Variants in AKNAD1 observed in about 807,000 individuals in gnomAD.
AKNAD1 encodes AKNA domain containing 1.
Under a neutral mutation model 90.8 loss-of-function variants are expected in AKNAD1, and 67 were observed. That is an observed-to-expected ratio of 0.74 (90% CI 0.61 to 0.90). The LOEUF (loss-of-function observed/expected upper bound fraction) is 0.90. AKNAD1 is among the 40% of genes least tolerant of loss of function. The pLI, the probability that AKNAD1 is intolerant of heterozygous loss-of-function variation, is 0.00. For missense variants in AKNAD1, 957 were observed against 975.4 expected (o/e 0.98, Z 0.25); for synonymous variants, 327 against 341.4 (o/e 0.96, Z 0.46).
intron 6 of AKNAD1, among the ~76,000 whole-genome samples, chr1:108,842,311 T>G (rs1456818767): frequency 1.3e-5 from 2 of 152,190 alleles, no homozygotes; most frequent in Admixed American, 6.5e-5. Context: ...ATGCTATGAA[T>G]AGAAAGGGCT....
chr1:108,823,865 T>C (rs988470800), intron 11 of AKNAD1, among the ~76,000 whole-genome samples, 177 bp from the exon 12 acceptor site: 2 of 152,210 alleles, frequency 1.3e-5, no homozygotes, highest in African/African-American at 4.8e-5. Context: ...GGGATTCCCT[T>C]CTGACAACTG....
rs1200756923 is a variant in AKNAD1 at position 108,852,447 on chromosome 1, A to T, written c.218T>A (p.Leu73Gln). ...TCGNTAVTIP[L>Q]GKITENAANK... ...GGCAGCATTTTCAGTAATTTTACCC[A>T]GGGGTATGGTCACAGCTGTATTTCC... Residue 73 changes from leucine (L) to glutamine (Q), a missense_variant, in exon 2 of 16, where the codon CTG (leucine) becomes CAG (glutamine). Coordinates refer to ENST00000370001, the MANE Select transcript of AKNAD1 (RefSeq NM_152763.5). 1.1e-5 allele frequency: 18 copies of T among 1,613,600 alleles called. No individual in the cohort carries two copies. Among genetic ancestry groups the T allele is most frequent in the African/African-American group, 1.3e-5 (1 of 74,842 alleles).
chr1:108,853,715 C>T (rs1011394403), intron 1 of AKNAD1, among the ~76,000 whole-genome samples: 6 of 151,964 alleles, frequency 3.9e-5, no homozygotes, highest in African/African-American at 7.2e-5. Context: ...AAGCGGATCA[C>T]CTGAGGTCAG....
At chr1:108,832,918 A>T (rs949669589) in intron 9 of AKNAD1, among the ~76,000 whole-genome samples, 9 of 152,230 alleles carry the variant, frequency 5.9e-5, no homozygotes, top group African/African-American at 1.7e-4. Context: ...TAAAGGCCAG[A>T]TTATCAGAAT....
At chr1:108,847,839 T>C in intron 5 of AKNAD1, among the ~76,000 whole-genome samples, 1 of 152,210 alleles carries the variant, frequency 6.6e-6, no homozygotes, top group East Asian at 1.9e-4. Flanking sequence ...CAGCTGCATT[T>C]TAGCTGCCTG....
chr1:108,851,921 T>G lies in AKNAD1; in HGVS notation c.744A>C (p.Lys248Asn). The G allele has an allele frequency of 6.2e-7, 1 of 1,614,234 alleles. No homozygotes were observed. Among genetic ancestry groups the G allele is most frequent in the Non-Finnish European group, 8.5e-7 (1 of 1,180,036 alleles). ...GGTAATGAACTTGACCTTGGCCGTA[T>G]TTGAACGTGTTGCCTGAATTTGCTT... The part of the protein sequence containing the change: ...TEKANSGNTF[K>N]YGQGQVHYQL... Residue 248 changes from lysine to asparagine, a missense_variant, in exon 2 of 16, where the codon AAA (lysine) becomes AAC (asparagine). Lys to Asn is a moderately conservative substitution (Grantham distance 94). Transcript: ENST00000370001.
At chr1:108,839,822 A>T (rs1280559519) in intron 6 of AKNAD1, among the ~76,000 whole-genome samples, 2 of 152,258 alleles carry the variant, frequency 1.3e-5, no homozygotes, top group East Asian at 3.9e-4. Context: ...GGAGTTCGAG[A>T]CTAGCCTGGA....
rs541544566 is a variant in AKNAD1 at position 108,816,537 on chromosome 1, AGAGGGTGAGGTCAGCCGCCAGCTGG to A, written c.2380-260_2380-236del. Among the ~76,000 whole-genome samples the A allele has an allele frequency of 5.3e-5, 8 of 152,310 alleles. No homozygotes were observed. In the East Asian group the frequency reaches 1.5e-3, roughly 29 times the overall value. On this transcript the variant is annotated intron_variant, in intron 15 of 15. Coordinates refer to ENST00000370001, the MANE Select transcript of AKNAD1 (RefSeq NM_152763.5). ...AGCACGTGACTGATGAGCATGAATC[AGAGGGTGAGGTCAGCCGCCAGCTGG>A]GCTGTTTCCCTGCCGCAGAGAAAGA...
rs1664314187 is a variant in AKNAD1 at position 108,834,504 on chromosome 1, A to G, written c.1689T>C (p.Asp563=). 6.2e-7 allele frequency: 1 copy of G among 1,608,540 alleles called. No individual in the cohort carries two copies. The highest frequency in any genetic ancestry group is 8.5e-7 in the Non-Finnish European group (1 of 1,178,272). The part of the protein sequence containing the change: ...PQTYLNGHYG[D]AAAQNKPDQV... ...GGTCTGGCTTGTTCTGGGCAGCTGC[A>G]TCTCCATAATGACCGTTTAGGTAAC... The change falls in exon 9 of 16, where the codon GAT becomes GAC. Residue 563 remains aspartate (D), a synonymous_variant. Coordinates refer to ENST00000370001, the MANE Select transcript of AKNAD1 (RefSeq NM_152763.5).
rs370690196 is a variant in AKNAD1 at position 108,826,994 on chromosome 1, A to G, written c.1936+211T>C. Among the ~76,000 whole-genome samples, 51 of 151,546 alleles carry G rather than the reference A, an allele frequency of 3.4e-4. 1 individual carries two copies. In the East Asian group the frequency reaches 8.8e-3, roughly 26 times the overall value. ...TGAGCTCAAGTGATCCACCCGCCTC[A>G]GCCTCCCAAAGTGCTGGAATTACAG... On this transcript the variant is annotated intron_variant, in intron 11 of 15. Transcript: ENST00000370001.
intron 14 of AKNAD1, among the ~76,000 whole-genome samples, chr1:108,818,947 T>C (rs931121901): frequency 8.7e-6 from 1 of 114,810 alleles, no homozygotes. Flanking sequence ...CTGGGCGAAA[T>C]AGTGAAACTC....
At chr1:108,832,680 A>G (rs1027484247) in intron 9 of AKNAD1, among the ~76,000 whole-genome samples, 3 of 152,150 alleles carry the variant, frequency 2.0e-5, no homozygotes, top group African/African-American at 7.2e-5. Context: ...TCAGTTTTGT[A>G]AACAACTTAA....
chr1:108,847,274 C>T (rs979947031), intron 5 of AKNAD1, among the ~76,000 whole-genome samples: 3 of 151,912 alleles, frequency 2.0e-5, no homozygotes, highest in African/African-American at 7.3e-5. Context: ...ATGGTGAAAC[C>T]CCGTCTCTAC....
chr1:108,834,897 G>C, intron 8 of AKNAD1, 32 bp downstream of exon 8: 1 of 1,507,728 alleles, frequency 6.6e-7, no homozygotes, highest in Non-Finnish European at 8.8e-7. Context: ...TCTGTGTCCT[G>C]TGTCTGCTGG....
rs922231432 is a variant in AKNAD1, at chr1:108,817,131, G to C, written c.2296C>G (p.Pro766Ala). ...CTGCAGGAGTAGAAATGGGGTGAGG[G>C]TGTTGCAGGGTCTGAGCTGTAGGTC... ...FMTYSSDPAT[P>A]SPHFYSCRIS... Residue 766 changes from proline to alanine, a missense_variant, in exon 15 of 16, where the codon CCC becomes GCC. Physicochemically the swap from Pro to Ala is conservative, Grantham distance 27. Transcript: ENST00000370001. The C allele has an allele frequency of 3.1e-6, 5 of 1,614,090 alleles. No individual in the cohort carries two copies. The highest frequency in any genetic ancestry group is 4.2e-6 in the Non-Finnish European group (5 of 1,179,998).
At chr1:108,841,616 C>T (rs1473310028) in intron 6 of AKNAD1, among the ~76,000 whole-genome samples, 1 of 152,142 alleles carries the variant, frequency 6.6e-6, no homozygotes, top group Non-Finnish European at 1.5e-5. Context: ...AAACAAAGGA[C>T]TAGTCAATGA....
At chr1:108,857,836 G>T (rs551761505), upstream of AKNAD1, among the ~76,000 whole-genome samples, 31 of 152,294 alleles carry the variant, frequency 2.0e-4, no homozygotes, top group South Asian at 6.4e-3. Flanking sequence ...CACGGTAAGA[G>T]TTGGCTGTTG....
intron 1 of AKNAD1, among the ~76,000 whole-genome samples, chr1:108,853,696 G>A (rs765989720): frequency 1.3e-5 from 2 of 152,010 alleles, no homozygotes; most frequent in Non-Finnish European, 2.9e-5. Flanking sequence ...CACTTTGGGA[G>A]GCTGAGGCAA....
In AKNAD1 at chr1:108,816,063, C is replaced by G. The variant is rs554675985; in HGVS notation, c.*108G>C. 49 of 1,219,188 alleles carry G rather than the reference C, an allele frequency of 4.0e-5. No individual in the cohort carries two copies. The African/African-American group carries it at 6.0e-4, about 15-fold the overall frequency. 75.5% of individuals were successfully genotyped at this position (1,219,188 alleles called of 1,614,324 possible). ...ATTTCTTATGGTTTCTGTGTTTTCT[C>G]TAGAAAGTCATCTTCCTAAATTGTG... On this transcript the variant is annotated 3_prime_UTR_variant, in exon 16 of 16. Coordinates refer to ENST00000370001, the MANE Select transcript of AKNAD1 (RefSeq NM_152763.5).
Sources: gnomAD v4.1 joint callset for allele counts (sites outside exome capture counted in the v4.1 genomes callset) on GRCh38, gnomAD v4.1.1 for gene constraint, MANE v1.5 for transcripts, NCBI Gene and HGNC (gene_info 2026-07-23, HGNC 2026-07-21) for gene names.